EPB41L4A: variants seen among roughly 807,000 people sequenced by gnomAD.
EPB41L4A encodes erythrocyte membrane protein band 4.1 like 4A, also known as band 4.1-like protein 4A.
A neutral mutation model predicts 108.6 loss-of-function variants in EPB41L4A; 100 were observed. The ratio of observed to expected loss-of-function variants is 0.92; its 90% CI spans 0.78 to 1.09. The LOEUF is 1.09. Ranked by LOEUF, EPB41L4A falls within the 50% of genes least tolerant of loss-of-function variation. The pLI is 0.00. For synonymous variants in EPB41L4A, 319 were observed against 289.0 expected, an observed-to-expected ratio of 1.10 and a Z score of -1.05; for missense variants, 1,030 against 842.7, an observed-to-expected ratio of 1.22 and a Z score of -2.75.
downstream of EPB41L4A, among the ~76,000 whole-genome samples, chr5:112,157,979 T>C (rs1759708968): frequency 1.3e-5 from 2 of 152,328 alleles, no homozygotes; most frequent in South Asian, 2.1e-4. Context: ...TCCTTTCTGC[T>C]TACCTGTACT....
intron 1 of EPB41L4A, among the ~76,000 whole-genome samples, chr5:112,339,643 C>T (rs1757182168): frequency 6.6e-6 from 1 of 151,364 alleles, no homozygotes; most frequent in East Asian, 1.9e-4. Context: ...AAGCGATTCC[C>T]CCGCCTCAGC....
intron 1 of EPB41L4A, among the ~76,000 whole-genome samples, chr5:112,408,764 G>A (rs1262782743): frequency 7.8e-6 from 1 of 127,754 alleles, no homozygotes. Flanking sequence ...TTAGTCACCA[G>A]AGAAAAATGC....
chr5:112,158,361 C>A (rs140396792), downstream of EPB41L4A: 649 of 321,390 alleles, frequency 2.0e-3, 3 homozygotes, highest in Non-Finnish European at 3.1e-3. Context: ...TTTCATAATT[C>A]TTTAAACTAA....
chr5:112,392,401 CAAAAAAAAAAAAA>C (rs56256606), intron 1 of EPB41L4A, among the ~76,000 whole-genome samples: 1 of 35,922 alleles, frequency 2.8e-5, no homozygotes, highest in Non-Finnish European at 4.7e-5. Context: ...AAATGGAAAG[CAAAAAAAAAAAAA>C]AAAAAAAAAA....
At chr5:112,418,296 T>G (rs1289884708) in intron 1 of EPB41L4A, among the ~76,000 whole-genome samples, 1 of 152,234 alleles carries the variant, frequency 6.6e-6, no homozygotes, top group African/African-American at 2.4e-5. Context: ...GCTGCCTTTT[T>G]GTTTGGGCTC....
intron 1 of EPB41L4A, among the ~76,000 whole-genome samples, chr5:112,346,057 C>T (rs139985423): frequency 6.6e-6 from 1 of 151,766 alleles, no homozygotes; most frequent in Non-Finnish European, 1.5e-5. Context: ...AGACTAAGAA[C>T]AAGACTGTTA....
chr5:112,175,909 A>G (rs903601474), intron 18 of EPB41L4A, among the ~76,000 whole-genome samples: 3 of 152,030 alleles, frequency 2.0e-5, no homozygotes, highest in African/African-American at 4.8e-5. Flanking sequence ...GGGACTACAC[A>G]TACAAGCCAC....
intron 13 of EPB41L4A, among the ~76,000 whole-genome samples, chr5:112,208,801 C>T (rs1298266691): frequency 1.3e-5 from 2 of 152,150 alleles, no homozygotes; most frequent in East Asian, 1.9e-4. Context: ...GGATCTGAAT[C>T]TCATGGAAGA....
intron 12 of EPB41L4A, among the ~76,000 whole-genome samples, chr5:112,154,636 A>G (rs994866636): frequency 1.3e-5 from 2 of 152,238 alleles, no homozygotes; most frequent in African/African-American, 2.4e-5. Flanking sequence ...TTGGAACAAC[A>G]TGGAATGTCC....
In EPB41L4A at chr5:112,239,285, T is replaced by C. The variant is rs535696129; in HGVS notation, c.965+375A>G. Among the ~76,000 whole-genome samples the C allele has an allele frequency of 7.2e-5, 11 of 152,284 alleles. 1 individual carries two copies. The highest frequency in any genetic ancestry group is 2.6e-4 in the African/African-American group (11 of 41,554). ...TGATGCACAATATAAAAAGTATAGATTGTATTAAAATAGGGGATCAACTGA... is the reference window on the plus strand; with the variant it reads ...TGATGCACAATATAAAAAGTATAGACTGTATTAAAATAGGGGATCAACTGA... On this transcript the variant is annotated intron_variant, in intron 11 of 22. Coordinates refer to ENST00000261486, the MANE Select transcript of EPB41L4A (RefSeq NM_022140.5).
At chr5:112,170,555 C>G (rs1374178130) in intron 19 of EPB41L4A, among the ~76,000 whole-genome samples, 186 bp from the exon 20 acceptor site, 1 of 152,180 alleles carries the variant, frequency 6.6e-6, no homozygotes, top group Non-Finnish European at 1.5e-5. Flanking sequence ...TTTTCTGTAG[C>G]TCTTTTGCCT....
intron 15 of EPB41L4A, among the ~76,000 whole-genome samples, chr5:112,201,819 A>T (rs1196486210): frequency 6.6e-6 from 1 of 152,206 alleles, no homozygotes; most frequent in Non-Finnish European, 1.5e-5. Context: ...AATGAGGGCT[A>T]TCACTATCTC....
chr5:112,413,915 T>G (rs1378836678), intron 1 of EPB41L4A, among the ~76,000 whole-genome samples: 7 of 152,108 alleles, frequency 4.6e-5, no homozygotes, highest in African/African-American at 1.7e-4. Flanking sequence ...TAGGAAGGAA[T>G]GAGCCACTAC....
At chr5:112,398,390 T>G (rs1280580201) in intron 1 of EPB41L4A, among the ~76,000 whole-genome samples, 3 of 152,074 alleles carry the variant, frequency 2.0e-5, no homozygotes, top group Admixed American at 6.5e-5. Context: ...GGGTTTTTTT[T>G]GTTTGTTTCT....
chr5:112,249,007 C>A (rs980782181), intron 9 of EPB41L4A: 4 of 152,142 alleles, frequency 2.6e-5, no homozygotes, highest in African/African-American at 9.7e-5. Context: ...CCATTATATA[C>A]CTGGCTCACA....
rs534028372 is a variant in EPB41L4A at position 112,220,700 on chromosome 5, A to T, written c.1088-10718T>A. ...CCTTGGCATTTGAGAAAACAGCAGA[A>T]GCAAGAAAGCCCCTCTCATCTCCCA... On this transcript the variant is annotated intron_variant, in intron 12 of 22. Coordinates refer to ENST00000261486, the MANE Select transcript of EPB41L4A (RefSeq NM_022140.5). 9.8e-4 allele frequency among the ~76,000 whole-genome samples: 150 copies of T among 152,354 alleles called. 1 individual carries two copies. Among genetic ancestry groups the T allele is most frequent in the African/African-American group, 3.5e-3 (147 of 41,586 alleles).
chr5:112,254,645 C>A (rs1750938824), intron 9 of EPB41L4A, among the ~76,000 whole-genome samples: 1 of 152,108 alleles, frequency 6.6e-6, no homozygotes, highest in Non-Finnish European at 1.5e-5. Flanking sequence ...TTCTTTAGGT[C>A]TTCTACCCCA....
intron 3 of EPB41L4A, among the ~76,000 whole-genome samples, chr5:112,279,497 G>A (rs905615616): frequency 6.6e-6 from 1 of 152,172 alleles, no homozygotes; most frequent in African/African-American, 2.4e-5. Context: ...AAATGTTTTG[G>A]AGATGGACAG....
At chr5:112,379,270 TA>T (rs1232141447) in intron 1 of EPB41L4A, among the ~76,000 whole-genome samples, 1 of 152,150 alleles carries the variant, frequency 6.6e-6, no homozygotes, top group Non-Finnish European at 1.5e-5. Flanking sequence ...ACTAAACCTA[TA>T]AAACAATTAG....
Sources: gnomAD v4.1 joint callset for allele counts (sites outside exome capture counted in the v4.1 genomes callset) on GRCh38, gnomAD v4.1.1 for gene constraint, MANE v1.5 for transcripts, NCBI Gene and HGNC (gene_info 2026-07-23, HGNC 2026-07-21) for gene names.